The following SUPT3H variants were observed in gnomAD, a reference collection of about 807,000 sequenced individuals.
SUPT3H encodes the protein SPT3 homolog, SAGA and STAGA complex component.
In SUPT3H, 44 loss-of-function variants were observed where a neutral mutation model predicts 44.3. The ratio of observed to expected loss-of-function variants is 0.99; its 90% CI spans 0.78 to 1.28. The LOEUF (loss-of-function observed/expected upper bound fraction) is 1.28, where lower values mean the gene tolerates loss of function less well. Among genes scored for constraint, SUPT3H ranks in the 50% most tolerant of loss-of-function variants. The pLI is 0.00. For missense variants in SUPT3H, 380 were observed against 387.1 expected, an observed-to-expected ratio of 0.98 and a Z score of 0.15; for synonymous variants, 124 against 125.6, an observed-to-expected ratio of 0.99 and a Z score of 0.09.
intron 2 of SUPT3H, among the ~76,000 whole-genome samples, chr6:45,146,716 T>C (rs982480742): frequency 2.6e-5 from 4 of 152,100 alleles, no homozygotes; most frequent in Admixed American, 1.3e-4. Context: ...TTATAAAGCA[T>C]CAAAATTGGG....
chr6:45,239,653 TTA>T (rs1769913770), intron 2 of SUPT3H, among the ~76,000 whole-genome samples: 1 of 152,228 alleles, frequency 6.6e-6, no homozygotes, highest in Admixed American at 6.5e-5. Context: ...TCTGCCTGTG[TTA>T]AACATCACCT....
chr6:45,350,054 A>T (rs557505059), intron 2 of SUPT3H, among the ~76,000 whole-genome samples: 8 of 152,242 alleles, frequency 5.3e-5, no homozygotes, highest in Non-Finnish European at 8.8e-5. Flanking sequence ...CATACAATTA[A>T]GTCTAAAGTT....
intron 2 of SUPT3H, among the ~76,000 whole-genome samples, chr6:45,255,356 G>A (rs991705161): frequency 2.0e-5 from 3 of 146,410 alleles, no homozygotes; most frequent in Non-Finnish European, 3.0e-5. Flanking sequence ...TCTGCACCAA[G>A]TATTATTCAA....
chr6:45,132,004 C>T (rs1803542688), intron 2 of SUPT3H, among the ~76,000 whole-genome samples: 1 of 152,032 alleles, frequency 6.6e-6, no homozygotes. Context: ...AAATTGAGCA[C>T]AGTAAGATAT....
intron 6 of SUPT3H, among the ~76,000 whole-genome samples, chr6:44,975,750 CTT>C (rs1778242829): frequency 6.6e-6 from 1 of 151,986 alleles, no homozygotes; most frequent in Non-Finnish European, 1.5e-5. Context: ...TGTCAATATA[CTT>C]GGAAAGAGTC....
intron 10 of SUPT3H, among the ~76,000 whole-genome samples, chr6:44,841,685 T>G (rs892232373): frequency 3.3e-5 from 5 of 152,238 alleles, no homozygotes; most frequent in African/African-American, 1.2e-4. Context: ...AAATCAGTTA[T>G]TCTCCCTACA....
intron 6 of SUPT3H, among the ~76,000 whole-genome samples, chr6:44,962,916 C>T (rs1776239202): frequency 1.3e-5 from 2 of 151,886 alleles, no homozygotes; most frequent in African/African-American, 4.8e-5. Context: ...TTCTCTCCCT[C>T]TCTCCCTTCC....
At chr6:45,330,023 A>G (rs1020749510) in intron 2 of SUPT3H, among the ~76,000 whole-genome samples, 1 of 151,824 alleles carries the variant, frequency 6.6e-6, no homozygotes, top group African/African-American at 2.4e-5. Flanking sequence ...CTACTAGAGG[A>G]TCAGTCTCAG....
At chr6:45,325,009 A>G (rs1786133881) in intron 2 of SUPT3H, among the ~76,000 whole-genome samples, 1 of 151,928 alleles carries the variant, frequency 6.6e-6, no homozygotes, top group African/African-American at 2.4e-5. Flanking sequence ...GATCCCGTGT[A>G]AGCTTAAACA....
intron 3 of SUPT3H, among the ~76,000 whole-genome samples, chr6:45,068,922 C>T (rs1046805624): frequency 6.6e-6 from 1 of 151,640 alleles, no homozygotes; most frequent in African/African-American, 2.4e-5. Flanking sequence ...GATTATAAAA[C>T]CCCCTTAAAC....
At chr6:45,243,946 A>T (rs1562779253) in intron 2 of SUPT3H, among the ~76,000 whole-genome samples, 1 of 152,140 alleles carries the variant, frequency 6.6e-6, no homozygotes, top group South Asian at 2.1e-4. Context: ...CAGTGGTGTG[A>T]TCATGGCTCA....
intron 2 of SUPT3H, among the ~76,000 whole-genome samples, chr6:45,115,631 T>C (rs1009536124): frequency 1.3e-5 from 2 of 152,118 alleles, no homozygotes; most frequent in South Asian, 2.1e-4. Flanking sequence ...TTAAGGACTT[T>C]AGTGAGAGGA....
chr6:45,284,248 C>A (rs1266327126), intron 2 of SUPT3H, among the ~76,000 whole-genome samples: 3 of 151,978 alleles, frequency 2.0e-5, no homozygotes, highest in East Asian at 3.9e-4. Flanking sequence ...AAGATCAGAG[C>A]AGAACTGAAG....
chr6:45,307,528 C>A (rs757621228), intron 2 of SUPT3H, among the ~76,000 whole-genome samples: 1 of 152,158 alleles, frequency 6.6e-6, no homozygotes, highest in African/African-American at 2.4e-5. Context: ...GGAGCTCCAG[C>A]GAACTCCAAC....
At chr6:44,819,568 G>A (rs1226757313) in intron 11 of SUPT3H, among the ~76,000 whole-genome samples, 1 of 151,632 alleles carries the variant, frequency 6.6e-6, no homozygotes, top group African/African-American at 2.4e-5. Flanking sequence ...GAGGCAGGAG[G>A]ACAGTTTGAA....
intron 2 of SUPT3H, among the ~76,000 whole-genome samples, chr6:45,284,569 C>T (rs969868698): frequency 1.6e-4 from 25 of 152,086 alleles, no homozygotes; most frequent in African/African-American, 5.8e-4. Context: ...CTGAATAGAC[C>T]AATAACAGGC....
chr6:45,015,224 G>C (rs1784065895), intron 4 of SUPT3H, among the ~76,000 whole-genome samples: 1 of 152,094 alleles, frequency 6.6e-6, no homozygotes, highest in African/African-American at 2.4e-5. Flanking sequence ...CACAAACCTA[G>C]ATGGAACAGT....
intron 2 of SUPT3H, among the ~76,000 whole-genome samples, chr6:45,230,681 T>TATATATATATATATATATATATAG (rs1767845101): frequency 8.7e-6 from 1 of 115,456 alleles, no homozygotes; most frequent in Non-Finnish European, 1.8e-5. Context: ...TATATATATA[T>TATATATATATATATATATATATAG]ATATATTTTT....
intron 5 of SUPT3H, 103 bp from the exon 6 acceptor site, chr6:45,003,895 G>C: frequency 8.0e-7 from 1 of 1,249,440 alleles, no homozygotes; most frequent in South Asian, 1.5e-5. Context: ...TTCAGAATTG[G>C]GATTCTCTGA....
Sources: allele counts gnomAD v4.1 joint callset (sites outside exome capture counted in the v4.1 genomes callset), GRCh38; gene constraint gnomAD v4.1.1; transcripts MANE v1.5; gene names NCBI Gene and HGNC (gene_info 2026-07-23, HGNC 2026-07-21).